The following BMPR1A variants were observed in gnomAD, a reference collection of about 807,000 sequenced individuals.
The protein encoded by BMPR1A is bone morphogenetic protein receptor type-1A.
A neutral mutation model predicts 66.0 loss-of-function variants in BMPR1A; 7 were observed. The observed-to-expected ratio is 0.11, with a 90% CI of 0.06 to 0.20. The LOEUF (loss-of-function observed/expected upper bound fraction) is 0.20. Ranked by LOEUF, BMPR1A falls within the 10% of genes least tolerant of loss-of-function variation. BMPR1A has a pLI of 1.00. For missense variants in BMPR1A, 408 were observed against 669.1 expected, an observed-to-expected ratio of 0.61 and a Z score of 4.31; for synonymous variants, 200 against 229.7, an observed-to-expected ratio of 0.87 and a Z score of 1.17.
chr10:86,781,075 C>T (rs935168783), intron 1 of BMPR1A, among the ~76,000 whole-genome samples: 15 of 152,122 alleles, frequency 9.9e-5, no homozygotes, highest in South Asian at 8.3e-4. Context: ...AAGCTGGTCT[C>T]GAACTCTTGA....
At chr10:86,917,059 G>C in intron 8 of BMPR1A, 75 bp from the exon 9 acceptor site, 2 of 1,503,904 alleles carry the variant, frequency 1.3e-6, no homozygotes, top group Non-Finnish European at 1.8e-6. Flanking sequence ...TTTTTGATGA[G>C]ATGGACTACC....
intron 1 of BMPR1A, among the ~76,000 whole-genome samples, chr10:86,798,350 A>G (rs181313109): frequency 6.6e-6 from 1 of 152,336 alleles, no homozygotes; most frequent in East Asian, 1.9e-4. Context: ...CATTTTAACA[A>G]TTATCCTTTC....
chr10:86,883,811 T>C (rs1843027478), intron 3 of BMPR1A, among the ~76,000 whole-genome samples: 1 of 150,816 alleles, frequency 6.6e-6, no homozygotes, highest in East Asian at 1.9e-4. Context: ...AAAGGCCACA[T>C]ACTGTGATCA....
chr10:86,828,812 T>C (rs1842230589), intron 1 of BMPR1A, among the ~76,000 whole-genome samples: 1 of 152,138 alleles, frequency 6.6e-6, no homozygotes, highest in Non-Finnish European at 1.5e-5. Flanking sequence ...TACAATAATT[T>C]CTCTACTGGC....
At chr10:86,904,179 T>C (rs1174164180) in intron 7 of BMPR1A, among the ~76,000 whole-genome samples, 1 of 152,190 alleles carries the variant, frequency 6.6e-6, no homozygotes, top group Non-Finnish European at 1.5e-5. Context: ...GTTGGGACTA[T>C]AGGCGTGAGC....
chr10:86,856,075 T>C, intron 2 of BMPR1A: 1 of 567,398 alleles, frequency 1.8e-6, no homozygotes, highest in East Asian at 4.3e-5. Context: ...ATAACAAAAA[T>C]TGCTGCAAAA....
intron 1 of BMPR1A, among the ~76,000 whole-genome samples, chr10:86,762,606 G>A (rs777266947): frequency 1.7e-4 from 26 of 152,150 alleles, no homozygotes; most frequent in South Asian, 4.1e-4. Context: ...TGATCCTTCC[G>A]CCTTGGCCTC....
intron 1 of BMPR1A, among the ~76,000 whole-genome samples, chr10:86,799,547 C>CT (rs890369218): frequency 6.2e-4 from 76 of 122,522 alleles, no homozygotes; most frequent in African/African-American, 2.4e-3. Context: ...TTCTTTCTTT[C>CT]TTTTTTTGTT....
chr10:86,801,416 C>T (rs12252666), intron 1 of BMPR1A, among the ~76,000 whole-genome samples: 3,165 of 152,314 alleles, frequency 0.021, 115 homozygotes, highest in African/African-American at 0.073. Flanking sequence ...TCTGGGATTA[C>T]GGGTGTGAGC....
chr10:86,901,796 A>G (rs1021350587), intron 7 of BMPR1A, among the ~76,000 whole-genome samples: 1 of 152,146 alleles, frequency 6.6e-6, no homozygotes, highest in Non-Finnish European at 1.5e-5. Flanking sequence ...TTATATTTTC[A>G]TATTAAAATA....
chr10:86,815,743 C>A (rs1354121799), intron 1 of BMPR1A, among the ~76,000 whole-genome samples: 3 of 152,196 alleles, frequency 2.0e-5, no homozygotes, highest in Non-Finnish European at 4.4e-5. Flanking sequence ...AAGTGCCTAC[C>A]TGTGGCAGTG....
At position 86,878,654 on chromosome 10, in the gene BMPR1A, T is replaced by C. The variant is rs869312507; in HGVS notation, c.67+2569T>C. ...CCCAAGTGGTTACTATTATCTGCAT[T>C]TGAGGCAGGTAAAACGGGGAAAGGG... On this transcript the variant is annotated intron_variant, in intron 3 of 12. Transcript: ENST00000372037. Among the ~76,000 whole-genome samples, 3 of 152,224 alleles carry C rather than the reference T, an allele frequency of 2.0e-5. No individual in the cohort carries two copies. The highest frequency in any genetic ancestry group is 2.9e-5 in the Non-Finnish European group (2 of 68,038).
chr10:86,793,015 GTTTC>G (rs1189055569), intron 1 of BMPR1A, among the ~76,000 whole-genome samples: 2 of 151,862 alleles, frequency 1.3e-5, no homozygotes, highest in Non-Finnish European at 2.9e-5. Context: ...CCACTGCTTT[GTTTC>G]TTTCTGGTAA....
At chr10:86,839,391 G>A (rs1842394427) in intron 2 of BMPR1A, among the ~76,000 whole-genome samples, 1 of 152,078 alleles carries the variant, frequency 6.6e-6, no homozygotes. Flanking sequence ...CCAGGAGTTC[G>A]AGACCAGCCT....
At chr10:86,887,312 G>T (rs916998910) in intron 3 of BMPR1A, among the ~76,000 whole-genome samples, 7 of 152,068 alleles carry the variant, frequency 4.6e-5, no homozygotes, top group Non-Finnish European at 1.0e-4. Context: ...TGAATATTTG[G>T]CAATAACATA....
chr10:86,857,801 G>A (rs186418126), intron 2 of BMPR1A, among the ~76,000 whole-genome samples: 188 of 145,506 alleles, frequency 1.3e-3, no homozygotes, highest in Admixed American at 2.9e-3. Flanking sequence ...TTAAGACCTA[G>A]TCATTACTTT....
At chr10:86,918,289 A>G (rs377214000) in intron 9 of BMPR1A, among the ~76,000 whole-genome samples, 2 of 151,182 alleles carry the variant, frequency 1.3e-5, no homozygotes, top group East Asian at 1.9e-4. Context: ...GATTTTAGAC[A>G]TGAATTTTGT....
intron 1 of BMPR1A, among the ~76,000 whole-genome samples, chr10:86,777,430 A>T (rs1194069153): frequency 6.6e-6 from 1 of 152,070 alleles, no homozygotes; most frequent in Non-Finnish European, 1.5e-5. Flanking sequence ...AAAATTAAAA[A>T]GTTATTTGGG....
chr10:86,912,489 CAT>C (rs1239050469), intron 8 of BMPR1A, 105 bp downstream of exon 8: 1 of 1,405,844 alleles, frequency 7.1e-7, no homozygotes, highest in East Asian at 2.3e-5. Flanking sequence ...ATAATGGACA[CAT>C]TTTTTTCTCC....
Sources: allele counts gnomAD v4.1 joint callset (sites outside exome capture counted in the v4.1 genomes callset), GRCh38; gene constraint gnomAD v4.1.1; transcripts MANE v1.5; gene names NCBI Gene and HGNC (gene_info 2026-07-23, HGNC 2026-07-21).